ADK: variants seen among roughly 807,000 people sequenced by gnomAD.
The protein encoded by ADK is N6,N6-dimethyladenosine kinase.
In ADK, 24 loss-of-function variants were observed where a neutral mutation model predicts 44.7. The observed-to-expected ratio is 0.54, with a 90% CI of 0.39 to 0.76. The LOEUF (loss-of-function observed/expected upper bound fraction) is 0.76, where lower values mean the gene tolerates loss of function less well. Ranked by LOEUF, ADK falls within the 30% of genes least tolerant of loss-of-function variation. The pLI is 0.00. For synonymous variants in ADK, 128 were observed against 142.6 expected, an observed-to-expected ratio of 0.90 and a Z score of 0.73; for missense variants, 321 against 425.1, an observed-to-expected ratio of 0.76 and a Z score of 2.15.
At chr10:74,300,960 C>A (rs72818515) in intron 3 of ADK, among the ~76,000 whole-genome samples, 98,975 of 151,626 alleles carry the variant, frequency 0.65, 33,427 homozygotes, top group Middle Eastern at 0.81. Context: ...ACTGCAATCA[C>A]GGAGCTTCTA....
At chr10:74,399,908 T>C (rs1193109741) in intron 6 of ADK, among the ~76,000 whole-genome samples, 1 of 152,114 alleles carries the variant, frequency 6.6e-6, no homozygotes, top group Non-Finnish European at 1.5e-5. Context: ...CAATCCTGAA[T>C]TGTGAGCCAA....
chr10:74,459,121 A>T (rs1198713366), intron 6 of ADK, among the ~76,000 whole-genome samples: 2 of 151,946 alleles, frequency 1.3e-5, no homozygotes, highest in Non-Finnish European at 2.9e-5. Context: ...TCTACTAAAA[A>T]TACAAAAAAT....
intron 6 of ADK, among the ~76,000 whole-genome samples, chr10:74,443,527 T>A (rs76791217): frequency 0.035 from 5,311 of 152,260 alleles, 105 homozygotes; most frequent in Non-Finnish European, 0.044. Flanking sequence ...TATTGGTGGT[T>A]GTCTTAGGCT....
At chr10:74,670,034 T>C (rs1855112043) in intron 9 of ADK, 149 bp from the exon 10 acceptor site, 1 of 695,992 alleles carries the variant, frequency 1.4e-6, no homozygotes, top group African/African-American at 1.8e-5. Context: ...TGCACCTTAG[T>C]TCCCAAGTGC....
intron 4 of ADK, among the ~76,000 whole-genome samples, chr10:74,377,888 A>G (rs1361541861): frequency 6.6e-6 from 1 of 152,164 alleles, no homozygotes; most frequent in Non-Finnish European, 1.5e-5. Context: ...ACATCTGTTC[A>G]GTAGGTTGGG....
At chr10:74,160,725 G>GTA (rs1554824342) in intron 1 of ADK, among the ~76,000 whole-genome samples, 397 of 150,960 alleles carry the variant, frequency 2.6e-3, no homozygotes, top group South Asian at 4.4e-3. Flanking sequence ...GTGTATGTGT[G>GTA]TGTGTAGGTA....
intron 7 of ADK, among the ~76,000 whole-genome samples, chr10:74,584,714 T>C (rs933583612): frequency 2.0e-5 from 3 of 152,104 alleles, no homozygotes; most frequent in African/African-American, 7.2e-5. Context: ...ATGACACACA[T>C]GTACACAGAT....
At chr10:74,592,815 G>A (rs1851768085) in intron 8 of ADK, among the ~76,000 whole-genome samples, 1 of 152,028 alleles carries the variant, frequency 6.6e-6, no homozygotes, top group African/African-American at 2.4e-5. Flanking sequence ...TTTAAATTAG[G>A]ATTAATTAAA....
At chr10:74,157,444 A>T (rs1411181547) in intron 1 of ADK, among the ~76,000 whole-genome samples, 1 of 152,190 alleles carries the variant, frequency 6.6e-6, no homozygotes, top group Non-Finnish European at 1.5e-5. Context: ...TATGAAATAG[A>T]TGGCTATATT....
intron 6 of ADK, among the ~76,000 whole-genome samples, chr10:74,464,217 T>C (rs1846269333): frequency 6.6e-6 from 1 of 152,140 alleles, no homozygotes; most frequent in Non-Finnish European, 1.5e-5. Context: ...AATTTTCATC[T>C]TTGTAAGGAT....
chr10:74,530,941 T>C (rs1432373622), intron 7 of ADK, among the ~76,000 whole-genome samples: 2 of 152,032 alleles, frequency 1.3e-5, no homozygotes, highest in Non-Finnish European at 2.9e-5. Context: ...AAGAAGGGTA[T>C]CTCAAGTAGA....
intron 10 of ADK, among the ~76,000 whole-genome samples, chr10:74,674,720 A>G (rs1855319617): frequency 6.6e-6 from 1 of 152,096 alleles, no homozygotes; most frequent in South Asian, 2.1e-4. Flanking sequence ...CATCTCTACT[A>G]AAAATAGAAA....
At chr10:74,679,078 A>C (rs1021683798) in intron 10 of ADK, among the ~76,000 whole-genome samples, 5 of 152,200 alleles carry the variant, frequency 3.3e-5, no homozygotes, top group African/African-American at 1.2e-4. Context: ...AGATTAAGTA[A>C]TTTGCCCAAG....
chr10:74,573,699 C>A (rs1283409252), intron 7 of ADK, among the ~76,000 whole-genome samples: 1 of 152,218 alleles, frequency 6.6e-6, no homozygotes, highest in African/African-American at 2.4e-5. Context: ...CCCAAGCAAG[C>A]CTCGGCAATG....
chr10:74,443,659 C>T (rs938023773), intron 6 of ADK, among the ~76,000 whole-genome samples: 13 of 151,988 alleles, frequency 8.6e-5, no homozygotes, highest in Non-Finnish European at 1.8e-4. Flanking sequence ...CTAAAAATCA[C>T]GAATTGTATG....
At chr10:74,327,776 T>C (rs1017167340) in intron 4 of ADK, among the ~76,000 whole-genome samples, 26 of 152,226 alleles carry the variant, frequency 1.7e-4, no homozygotes, top group Non-Finnish European at 3.4e-4. Context: ...TATGATTGTT[T>C]TGTACTCTAT....
At chr10:74,598,466 T>C (rs1852005810) in intron 8 of ADK, among the ~76,000 whole-genome samples, 1 of 144,434 alleles carries the variant, frequency 6.9e-6, no homozygotes, top group Non-Finnish European at 1.5e-5. Flanking sequence ...TTTTTTTTTT[T>C]TTGAGATGGC....
chr10:74,423,376 C>A, intron 6 of ADK: 1 of 163,538 alleles, frequency 6.1e-6, no homozygotes, highest in South Asian at 1.6e-4. Flanking sequence ...AGAATGGATT[C>A]CAGTCTAGTC....
chr10:74,448,109 G>T (rs1045994748), intron 6 of ADK, among the ~76,000 whole-genome samples: 2 of 152,124 alleles, frequency 1.3e-5, no homozygotes, highest in Non-Finnish European at 1.5e-5. Flanking sequence ...GGAGGCAGAG[G>T]CTGCAGTGAG....
Sources: allele counts gnomAD v4.1 joint callset (sites outside exome capture counted in the v4.1 genomes callset), GRCh38; gene constraint gnomAD v4.1.1; transcripts MANE v1.5; gene names NCBI Gene and HGNC (gene_info 2026-07-23, HGNC 2026-07-21).